Variants in SLC2A3 observed in about 807,000 individuals in gnomAD.
The protein encoded by SLC2A3 is solute carrier family 2, facilitated glucose transporter member 3.
Under a neutral mutation model 46.4 loss-of-function variants are expected in SLC2A3, and 21 were observed. That is an observed-to-expected ratio of 0.45 (90% CI 0.32 to 0.65). The LOEUF (loss-of-function observed/expected upper bound fraction) is 0.65. Ranked by LOEUF, SLC2A3 falls within the 30% of genes least tolerant of loss-of-function variation. SLC2A3 has a pLI of 0.04. For synonymous variants in SLC2A3, 213 were observed against 239.4 expected (o/e 0.89, Z 1.02); for missense variants, 499 against 623.3 (o/e 0.80, Z 2.12).
chr12:7,923,686 C>T (rs1946063920), intron 8 of SLC2A3, among the ~76,000 whole-genome samples: 1 of 151,592 alleles, frequency 6.6e-6, no homozygotes, highest in Non-Finnish European at 1.5e-5. Flanking sequence ...TCTTGAACTT[C>T]TGGGCTCAAG....
chr12:7,927,674 G>A (rs1946109531), intron 6 of SLC2A3, among the ~76,000 whole-genome samples: 1 of 152,078 alleles, frequency 6.6e-6, no homozygotes, highest in African/African-American at 2.4e-5. Context: ...AAATTCAGCT[G>A]ACTCAGGAAT....
intron 8 of SLC2A3, among the ~76,000 whole-genome samples, chr12:7,923,642 T>A (rs1332830951): frequency 1.3e-5 from 2 of 151,994 alleles, no homozygotes; most frequent in Admixed American, 6.6e-5. Context: ...TGTTTTTTTG[T>A]AGAGAAAGTT....
chr12:7,921,886 A>T (rs1417925008), intron 9 of SLC2A3, among the ~76,000 whole-genome samples: 1 of 151,970 alleles, frequency 6.6e-6, no homozygotes. Flanking sequence ...ACTTTTGAGT[A>T]TTATTTTTAA....
chr12:7,930,134 C>T (rs942365315), intron 5 of SLC2A3: 10 of 639,008 alleles, frequency 1.6e-5, no homozygotes, highest in East Asian at 3.5e-5. Context: ...TACAGGCATG[C>T]GCCCCCATGC....
intron 6 of SLC2A3, among the ~76,000 whole-genome samples, chr12:7,928,353 G>A (rs1276836574): frequency 6.6e-6 from 1 of 151,836 alleles, no homozygotes; most frequent in Non-Finnish European, 1.5e-5. Context: ...AGCCGAGATC[G>A]TGCCACTGTA....
At chr12:7,932,858 AG>A (rs869278425) in intron 3 of SLC2A3, 128 bp downstream of exon 3, 11 of 1,368,952 alleles carry the variant, frequency 8.0e-6, no homozygotes, top group African/African-American at 7.3e-5. Flanking sequence ...CAGTTGGACT[AG>A]GTTTCCCTTG....
Position 7,930,471 on chromosome 12 carries a change from G to T in SLC2A3, c.673+9C>A. ...ATAATTCATGTAGTAAGGTGTGAAGGATACTCACTCTGCTTAGCATTCTCC... is the reference window on the plus strand; with the variant it reads ...ATAATTCATGTAGTAAGGTGTGAAGTATACTCACTCTGCTTAGCATTCTCC... On this transcript the variant is annotated intron_variant, in intron 5 of 9. Transcript: ENST00000075120. 6.2e-7 allele frequency: 1 copy of T among 1,611,842 alleles called. No homozygotes were observed. The highest frequency in any genetic ancestry group is 8.5e-7 in the Non-Finnish European group (1 of 1,178,332).
intron 6 of SLC2A3, among the ~76,000 whole-genome samples, chr12:7,928,730 C>T (rs1163856761): frequency 4.6e-5 from 7 of 152,050 alleles, no homozygotes; most frequent in African/African-American, 1.2e-4. Flanking sequence ...TCCAGTAATA[C>T]GTGTGGCCTA....
At chr12:7,934,533 T>C (rs1279316244) in intron 1 of SLC2A3, among the ~76,000 whole-genome samples, 2 of 152,040 alleles carry the variant, frequency 1.3e-5, no homozygotes, top group South Asian at 2.1e-4. Context: ...GAACCCAACA[T>C]ATAAGGGCGA....
At chr12:7,923,346 ATTTT>A (rs906522967) in intron 8 of SLC2A3, 14 of 212,128 alleles carry the variant, frequency 6.6e-5, no homozygotes, top group African/African-American at 3.0e-4. Context: ...TTAAAAAAAA[ATTTT>A]TTTTTTGGCC....
chr12:7,926,044 G>C, intron 6 of SLC2A3, 96 bp from the exon 7 acceptor site: 1 of 1,018,842 alleles, frequency 9.8e-7, no homozygotes, highest in African/African-American at 1.6e-5. Flanking sequence ...TGGGTAAGAA[G>C]TCCTTTTTCT....
chr12:7,921,424 T>C lies in SLC2A3; in HGVS notation c.1480A>G (p.Thr494Ala). The change falls in exon 10 of 10, where the codon ACC becomes GCC. Residue 494 changes from threonine (T) to alanine (A), a missense_variant. Physicochemically the swap from Thr to Ala is moderately conservative, Grantham distance 58. Around this residue, in one of 5 missense-constraint regions of SLC2A3, gnomAD observed 179 missense variants for 205.1 expected, o/e 0.87. Coordinates refer to ENST00000075120, the MANE Select transcript of SLC2A3 (RefSeq NM_006931.3). ...GAAGGAGGCACGACTTAGACATTGG[T>C]GGTGGTCTCCTTAGCAGGCTCGATG... ...NSIEPAKETT[T>A]NV 6.2e-7 allele frequency: 1 copy of C among 1,613,976 alleles called. No individual in the cohort carries two copies. The highest frequency in any genetic ancestry group is 8.5e-7 in the Non-Finnish European group (1 of 1,179,918).
rs1281437693 is a variant in SLC2A3, at chr12:7,925,912, C to A, written c.898G>T (p.Gly300Cys). The change falls in exon 7 of 10, where the codon GGT becomes TGT. Residue 300 changes from glycine to cysteine, a missense_variant. Coordinates refer to ENST00000075120, the MANE Select transcript of SLC2A3 (RefSeq NM_006931.3). ...GTGGCATAGATGGGCTCTTGAACAC[C>A]TGCATCCTTGAAGATTCCTGTTGAG... ...YYSTGIFKDA[G>C]VQEPIYATIG... 6.2e-7 allele frequency: 1 copy of A among 1,613,802 alleles called. No individual in the cohort carries two copies. The highest frequency in any genetic ancestry group is 8.5e-7 in the Non-Finnish European group (1 of 1,179,802).
At position 7,936,116 on chromosome 12, in the gene SLC2A3, A is replaced by G; in HGVS notation, c.-82T>C. 1 of 1,219,510 alleles carries G rather than the reference A, an allele frequency of 8.2e-7. No homozygotes were observed. The highest frequency in any genetic ancestry group is 1.2e-6 in the Non-Finnish European group (1 of 822,350). 75.5% of individuals were successfully genotyped at this position (1,219,510 alleles called of 1,614,324 possible). The stretch of plus-strand genomic sequence containing the variant: ...TTTTTCAGCCAACAAAACCTTCAAA[A>G]TGTCCTTCTCAGCAGCAAGTTTTCT... On this transcript the variant is annotated 5_prime_UTR_variant, in exon 1 of 10. Transcript: ENST00000075120.
rs1470971419 is a variant in SLC2A3, at chr12:7,933,446, AGGT to A, written c.109-302_109-300del. 6.2e-6 allele frequency: 3 copies of A among 487,282 alleles called. No individual in the cohort carries two copies. The Admixed American group carries it at 1.1e-4, about 17-fold the overall frequency. 30.2% of individuals were successfully genotyped at this position (487,282 alleles called of 1,614,324 possible). A position where few individuals can be genotyped will look rare whatever the true frequency, so the allele number is the denominator to read the frequency against. ...ATAATACAGGATGTGCATCACTATG[AGGT>A]GAAAGAGTGGGAGGAAGAACAGCAC... is the stretch of plus-strand genomic sequence containing the variant. On this transcript the variant is annotated intron_variant, in intron 2 of 9. Coordinates refer to ENST00000075120, the MANE Select transcript of SLC2A3 (RefSeq NM_006931.3).
intron 2 of SLC2A3, 122 bp from the exon 3 acceptor site, chr12:7,933,269 G>C: frequency 9.4e-7 from 1 of 1,061,424 alleles, no homozygotes; most frequent in South Asian, 1.6e-5. Flanking sequence ...GAATGGAAGG[G>C]GCAGATAACG....
rs772196204 is a variant in SLC2A3 at position 7,929,723 on chromosome 12, A to G, written c.822T>C (p.Ile274=). ...AGAGCTGCTGAGAGAGCTGGAGCAC[A>G]ATGGAAATGATGATGGGCTGTCGGT... ...SSYRQPIIIS[I]VLQLSQQLSG... The change falls in exon 6 of 10, where the codon ATT becomes ATC. Residue 274 remains isoleucine (I), a synonymous_variant. Coordinates refer to ENST00000075120, the MANE Select transcript of SLC2A3 (RefSeq NM_006931.3). 2.9e-5 allele frequency: 47 copies of G among 1,613,374 alleles called. No homozygotes were observed. The Admixed American group carries it at 3.2e-4, about 11-fold the overall frequency.
intron 6 of SLC2A3, chr12:7,929,397 T>TA (rs1946129002): frequency 2.4e-6 from 1 of 409,960 alleles, no homozygotes. Flanking sequence ...ATACTAGTTG[T>TA]AAAAACAGAC....
chr12:7,933,584 G>A (rs959369299), intron 2 of SLC2A3: 49 of 535,278 alleles, frequency 9.2e-5, no homozygotes, highest in Middle Eastern at 4.9e-4. Flanking sequence ...TAGATACAAA[G>A]TTTGTCTTAA....
Sources: allele counts gnomAD v4.1 joint callset (sites outside exome capture counted in the v4.1 genomes callset), GRCh38; gene constraint gnomAD v4.1.1; regional missense constraint gnomAD v4.1.1; transcripts MANE v1.5; gene names NCBI Gene and HGNC (gene_info 2026-07-23, HGNC 2026-07-21).